CSMD3: variants seen among roughly 807,000 people sequenced by gnomAD.
CSMD3 encodes the protein CUB and Sushi multiple domains 3, also known as CUB and sushi domain-containing protein 3.
Under a neutral mutation model 435.2 loss-of-function variants are expected in CSMD3, and 177 were observed. The observed-to-expected ratio is 0.41, with a 90% confidence interval of 0.36 to 0.46. The LOEUF (loss-of-function observed/expected upper bound fraction) is 0.46, where lower values mean the gene tolerates loss of function less well. Among genes scored for constraint, CSMD3 ranks in the 20% least tolerant of loss-of-function variants. The pLI, the probability that CSMD3 is intolerant of heterozygous loss-of-function variation, is 0.34. For synonymous variants in CSMD3, 1,656 were observed against 1,520.5 expected (o/e 1.09, Z -2.07); for missense variants, 4,265 against 4,504.6 (o/e 0.95, Z 1.52).
intron 13 of CSMD3, among the ~76,000 whole-genome samples, chr8:112,698,362 C>G (rs577632360): frequency 2.0e-5 from 3 of 152,108 alleles, no homozygotes; most frequent in African/African-American, 7.2e-5. Flanking sequence ...TGCATACACA[C>G]ATATGTACAC....
intron 28 of CSMD3, among the ~76,000 whole-genome samples, chr8:112,509,285 T>G (rs1234972004): frequency 1.3e-5 from 2 of 151,998 alleles, no homozygotes; most frequent in African/African-American, 2.4e-5. Flanking sequence ...GACAGAGTTT[T>G]GCCATGTTGC....
chr8:113,416,855 T>C (rs2094583906), intron 1 of CSMD3, among the ~76,000 whole-genome samples: 1 of 152,100 alleles, frequency 6.6e-6, no homozygotes, highest in Non-Finnish European at 1.5e-5. Context: ...TTTAGCAATC[T>C]TTGATTCAAG....
At chr8:112,834,039 A>G (rs2079953667) in intron 11 of CSMD3, among the ~76,000 whole-genome samples, 1 of 151,976 alleles carries the variant, frequency 6.6e-6, no homozygotes, top group Non-Finnish European at 1.5e-5. Context: ...GATATCCATT[A>G]TAGTATGATC....
At chr8:112,839,187 G>A (rs2080110681) in intron 11 of CSMD3, among the ~76,000 whole-genome samples, 1 of 151,700 alleles carries the variant, frequency 6.6e-6, no homozygotes, top group Non-Finnish European at 1.5e-5. Flanking sequence ...TTTTAGAGAT[G>A]GGGTGGAGGA....
At chr8:113,409,653 T>A (rs933543790) in intron 1 of CSMD3, among the ~76,000 whole-genome samples, 1 of 152,176 alleles carries the variant, frequency 6.6e-6, no homozygotes, top group African/African-American at 2.4e-5. Context: ...ATGGGAATTA[T>A]TCGGTTGAAG....
chr8:113,298,231 A>G (rs1269343523), intron 2 of CSMD3, among the ~76,000 whole-genome samples: 1 of 152,046 alleles, frequency 6.6e-6, no homozygotes, highest in East Asian at 1.9e-4. Context: ...ATTTTCCCCC[A>G]TGATTTTTAT....
At chr8:112,698,415 T>C (rs1387023177) in intron 13 of CSMD3, among the ~76,000 whole-genome samples, 1 of 152,056 alleles carries the variant, frequency 6.6e-6, no homozygotes, top group Non-Finnish European at 1.5e-5. Flanking sequence ...CTGAGAGTCC[T>C]AAAAGCAATA....
chr8:113,148,113 T>C (rs1023839173), intron 4 of CSMD3, among the ~76,000 whole-genome samples: 5 of 151,784 alleles, frequency 3.3e-5, no homozygotes, highest in African/African-American at 1.2e-4. Context: ...CAATGCCTGA[T>C]GCATATTCTC....
chr8:113,049,613 C>T (rs1046484177), intron 5 of CSMD3, among the ~76,000 whole-genome samples: 12 of 152,064 alleles, frequency 7.9e-5, no homozygotes, highest in Non-Finnish European at 1.3e-4. Context: ...ATCTCAGAAA[C>T]AAAAGGGCAA....
chr8:112,942,782 C>CA, intron 9 of CSMD3, among the ~76,000 whole-genome samples: 1 of 151,600 alleles, frequency 6.6e-6, no homozygotes, highest in East Asian at 1.9e-4. Context: ...ACCTGGGTGA[C>CA]AAAAAATAAT....
At chr8:112,235,434 A>AC (rs1484864706) in intron 67 of CSMD3, among the ~76,000 whole-genome samples, 8 of 152,130 alleles carry the variant, frequency 5.3e-5, no homozygotes, top group South Asian at 4.2e-4. Flanking sequence ...AACAACAACA[A>AC]AAAACAGCAT....
intron 5 of CSMD3, among the ~76,000 whole-genome samples, chr8:113,052,537 G>T (rs1246803219): frequency 6.6e-6 from 1 of 152,192 alleles, no homozygotes; most frequent in Non-Finnish European, 1.5e-5. Flanking sequence ...CAGCACTTCG[G>T]TAGGCAAAGG....
At chr8:112,848,132 T>G (rs536466642) in intron 11 of CSMD3, among the ~76,000 whole-genome samples, 1 of 152,300 alleles carries the variant, frequency 6.6e-6, no homozygotes, top group African/African-American at 2.4e-5. Flanking sequence ...CATTTAATAC[T>G]TCACTTCAAC....
At chr8:112,533,291 T>C (rs1191654828) in intron 27 of CSMD3, among the ~76,000 whole-genome samples, 5 of 152,118 alleles carry the variant, frequency 3.3e-5, no homozygotes, top group Non-Finnish European at 1.5e-5. Context: ...TGGCATTGAA[T>C]GTAAATTGAC....
chr8:112,680,090 C>G (rs993745655), intron 16 of CSMD3, among the ~76,000 whole-genome samples: 1 of 152,160 alleles, frequency 6.6e-6, no homozygotes, highest in Non-Finnish European at 1.5e-5. Flanking sequence ...CGTGGTGGCT[C>G]GTGCCTGTAA....
At chr8:112,251,294 A>G (rs1372391712) in intron 63 of CSMD3, among the ~76,000 whole-genome samples, 1 of 151,758 alleles carries the variant, frequency 6.6e-6, no homozygotes, top group Non-Finnish European at 1.5e-5. Flanking sequence ...AAATTGAGGT[A>G]GCTTCTAATA....
intron 13 of CSMD3, among the ~76,000 whole-genome samples, chr8:112,712,960 G>A (rs1274771664): frequency 6.6e-6 from 1 of 152,076 alleles, no homozygotes; most frequent in Non-Finnish European, 1.5e-5. Context: ...GGGCCAAGAT[G>A]GCTTACTAGA....
rs566215599 is a variant in CSMD3, at chr8:112,669,499, T to C, written c.2678-3084A>G. On this transcript the variant is annotated intron_variant, in intron 16 of 70. Transcript: ENST00000297405. ...CCTACTGAAATTTAAGAAATTCTTA[T>C]ACATTTTTTTAACCAAAAATGAGCT... Among the ~76,000 whole-genome samples, 688 of 152,322 alleles carry C rather than the reference T, an allele frequency of 4.5e-3. 3 individuals carry two copies. Among genetic ancestry groups the C allele is most frequent in the Non-Finnish European group, 7.0e-3 (474 of 68,018 alleles).
chr8:112,430,297 T>C (rs1268858606), intron 32 of CSMD3, among the ~76,000 whole-genome samples: 1 of 152,034 alleles, frequency 6.6e-6, no homozygotes, highest in Non-Finnish European at 1.5e-5. Flanking sequence ...AGAAAGCAGT[T>C]ATTACCAACC....
Sources: gnomAD v4.1 joint callset for allele counts (sites outside exome capture counted in the v4.1 genomes callset) on GRCh38, gnomAD v4.1.1 for gene constraint, MANE v1.5 for transcripts, NCBI Gene and HGNC (gene_info 2026-07-23, HGNC 2026-07-21) for gene names.